ANKRD30A: variants seen among roughly 807,000 people sequenced by gnomAD.
ANKRD30A encodes ankyrin repeat domain-containing protein 30A.
In ANKRD30A, 170 loss-of-function variants were observed where a neutral mutation model predicts 166.3. The ratio of observed to expected loss-of-function variants is 1.02; its 90% CI spans 0.90 to 1.16. The LOEUF (loss-of-function observed/expected upper bound fraction) is 1.16. Ranked by LOEUF, ANKRD30A falls within the 50% of genes most tolerant of loss-of-function variation. ANKRD30A has a pLI of 0.00. For missense variants in ANKRD30A, 1,630 were observed against 1,518.0 expected, an observed-to-expected ratio of 1.07 and a Z score of -1.23; for synonymous variants, 564 against 508.9, an observed-to-expected ratio of 1.11 and a Z score of -1.46.
the ANKRD30A span, among the ~76,000 whole-genome samples, chr10:37,249,924 A>C: frequency 6.6e-6 from 1 of 152,224 alleles, no homozygotes; most frequent in East Asian, 1.9e-4. Context: ...TAGTAGAAGG[A>C]AAACTACTGG....
intron 15 of ANKRD30A, among the ~76,000 whole-genome samples, chr10:37,159,388 G>T (rs1838653045): frequency 6.6e-6 from 1 of 152,044 alleles, no homozygotes; most frequent in African/African-American, 2.4e-5. Flanking sequence ...TGTGATGGTG[G>T]GTGCCTGTCA....
chr10:37,190,121 T>C (rs1213199351), intron 25 of ANKRD30A, among the ~76,000 whole-genome samples: 1 of 151,900 alleles, frequency 6.6e-6, no homozygotes, highest in African/African-American at 2.4e-5. Context: ...AATAAGCATA[T>C]CTGCATGGCC....
chr10:37,225,272 G>A (rs199751585), intron 34 of ANKRD30A, among the ~76,000 whole-genome samples: 14 of 151,322 alleles, frequency 9.3e-5, no homozygotes, highest in East Asian at 1.9e-4. Context: ...ATGTTACGTC[G>A]AAACCAATGA....
rs1038161645 is a variant in ANKRD30A, at chr10:37,217,675, A to G, written c.3084-20A>G. ...ATTTTCTAACAAAATGAATTTTAAGATAAGTATGTTTAATGGCAGATTGAC... is the reference window on the plus strand; with the variant it reads ...ATTTTCTAACAAAATGAATTTTAAGGTAAGTATGTTTAATGGCAGATTGAC... On this transcript the variant is annotated intron_variant, in intron 32 of 35. Coordinates refer to ENST00000361713, the MANE Select transcript of ANKRD30A (RefSeq NM_052997.3). 6.7e-7 allele frequency: 1 copy of G among 1,493,828 alleles called. No individual in the cohort carries two copies. The highest frequency in any genetic ancestry group is 1.4e-5 in the South Asian group (1 of 73,986). The allele number at this position is 1,493,828 out of a possible 1,614,324, so 92.5% of individuals were successfully genotyped here. A position where few individuals can be genotyped will look rare whatever the true frequency, so the allele number is the denominator to read the frequency against.
intron 31 of ANKRD30A, among the ~76,000 whole-genome samples, chr10:37,206,547 T>C (rs1301230858): frequency 6.6e-6 from 1 of 152,188 alleles, no homozygotes; most frequent in Non-Finnish European, 1.5e-5. Context: ...CCCAGCACTT[T>C]GGGAGGCCAA....
At chr10:37,126,128 G>A in intron 1 of ANKRD30A, 120 bp downstream of exon 1, 2 of 1,045,044 alleles carry the variant, frequency 1.9e-6, no homozygotes, top group African/African-American at 1.6e-5. Context: ...GGAGTAACGG[G>A]CAGCGGGGCA....
intron 15 of ANKRD30A, among the ~76,000 whole-genome samples, chr10:37,159,253 G>A (rs1285664713): frequency 4.6e-5 from 7 of 152,084 alleles, no homozygotes; most frequent in East Asian, 1.9e-4. Context: ...ATGGTGACAC[G>A]TGCCTGTAAT....
At chr10:37,211,160 C>A (rs1842290427) in intron 31 of ANKRD30A, among the ~76,000 whole-genome samples, 1 of 150,950 alleles carries the variant, frequency 6.6e-6, no homozygotes, top group Non-Finnish European at 1.5e-5. Context: ...TATTATTATA[C>A]TTTAAGTTTT....
chr10:37,205,180 C>G (rs1449056316), intron 31 of ANKRD30A, among the ~76,000 whole-genome samples: 3 of 152,064 alleles, frequency 2.0e-5, no homozygotes, highest in African/African-American at 7.2e-5. Flanking sequence ...TTCACAATAG[C>G]AAAGACTTGG....
At chr10:37,251,965 G>A in the ANKRD30A span, among the ~76,000 whole-genome samples, 13 of 152,036 alleles carry the variant, frequency 8.6e-5, no homozygotes, top group East Asian at 3.9e-4. Flanking sequence ...AAACTGATTC[G>A]AGGTTAAAAC....
intron 6 of ANKRD30A, among the ~76,000 whole-genome samples, 154 bp from the exon 7 acceptor site, chr10:37,141,564 C>A (rs1837110949): frequency 1.7e-5 from 2 of 121,038 alleles, no homozygotes; most frequent in African/African-American, 3.2e-5. Flanking sequence ...CTGAGTGAGA[C>A]TCTGTCTCAA....
At chr10:37,191,192 A>C (rs1017702557) in intron 25 of ANKRD30A, among the ~76,000 whole-genome samples, 1 of 151,988 alleles carries the variant, frequency 6.6e-6, no homozygotes, top group East Asian at 1.9e-4. Context: ...ATCTTCCTCC[A>C]TGAGTGGATT....
At chr10:37,148,956 A>G (rs889696048) in intron 9 of ANKRD30A, among the ~76,000 whole-genome samples, 1 of 151,958 alleles carries the variant, frequency 6.6e-6, no homozygotes, top group African/African-American at 2.4e-5. Flanking sequence ...TTATAATATA[A>G]AAAGTTATTT....
intron 34 of ANKRD30A, among the ~76,000 whole-genome samples, chr10:37,220,316 TAA>T (rs1296947521): frequency 6.6e-6 from 1 of 151,014 alleles, no homozygotes; most frequent in Non-Finnish European, 1.5e-5. Context: ...ATTTTGAAAT[TAA>T]GATTCAATTT....
the ANKRD30A span, chr10:37,241,147 G>C: frequency 6.6e-6 from 1 of 151,554 alleles, no homozygotes; most frequent in African/African-American, 2.4e-5. Flanking sequence ...TTTAGGTAAA[G>C]AACATAAATA....
intron 31 of ANKRD30A, among the ~76,000 whole-genome samples, chr10:37,213,762 G>T (rs773558907): frequency 6.6e-6 from 1 of 151,404 alleles, no homozygotes; most frequent in East Asian, 1.9e-4. Context: ...CCAACCCAGG[G>T]TTATTTGGAT....
intron 25 of ANKRD30A, among the ~76,000 whole-genome samples, chr10:37,191,830 C>T (rs1281060405): frequency 2.0e-5 from 3 of 151,922 alleles, no homozygotes; most frequent in Non-Finnish European, 2.9e-5. Context: ...CCCACCTCTA[C>T]TAGTAATACA....
the ANKRD30A span, among the ~76,000 whole-genome samples, chr10:37,253,571 A>C: frequency 1.3e-5 from 2 of 151,954 alleles, no homozygotes; most frequent in Non-Finnish European, 2.9e-5. Context: ...CAATTTCTGG[A>C]CATTTCATAG....
At chr10:37,253,007 A>C in the ANKRD30A span, among the ~76,000 whole-genome samples, 1 of 152,224 alleles carries the variant, frequency 6.6e-6, no homozygotes, top group Non-Finnish European at 1.5e-5. Context: ...AAGGAAACTC[A>C]AAAACTTGTT....
Sources: allele counts gnomAD v4.1 joint callset (sites outside exome capture counted in the v4.1 genomes callset), GRCh38; gene constraint gnomAD v4.1.1; transcripts MANE v1.5; gene names NCBI Gene and HGNC (gene_info 2026-07-23, HGNC 2026-07-21).